DLG2: variants seen among roughly 807,000 people sequenced by gnomAD.
DLG2 encodes the protein discs large MAGUK scaffold protein 2.
A neutral mutation model predicts 132.5 loss-of-function variants in DLG2; 45 were observed. That is an observed-to-expected ratio of 0.34 (90% confidence interval 0.27 to 0.44). DLG2 has a LOEUF of 0.44. DLG2 is among the 20% of genes least tolerant of loss of function. The pLI is 1.00. For missense variants in DLG2, 1,045 were observed against 1,196.9 expected (o/e 0.87, Z 1.87); for synonymous variants, 424 against 419.6 (o/e 1.01, Z -0.13).
At chr11:84,537,493 TTAAAATTTGTGGTAAAATACACA>T (rs1328114597) in intron 6 of DLG2, among the ~76,000 whole-genome samples, 11 of 152,248 alleles carry the variant, frequency 7.2e-5, no homozygotes, top group Non-Finnish European at 1.5e-4. Context: ...TAAGCTTCTT[TTAAAATTTGTGGTAAAATACACA>T]TAAAATTTTG....
intron 18 of DLG2, among the ~76,000 whole-genome samples, chr11:83,769,193 C>G (rs2094276382): frequency 6.6e-6 from 1 of 152,026 alleles, no homozygotes; most frequent in Non-Finnish European, 1.5e-5. Flanking sequence ...AGCAAAACCT[C>G]TCCTTTGGCT....
At chr11:84,890,394 G>A (rs1030035815) in intron 6 of DLG2, among the ~76,000 whole-genome samples, 12 of 152,026 alleles carry the variant, frequency 7.9e-5, no homozygotes, top group Admixed American at 2.6e-4. Flanking sequence ...CTGCATTTTG[G>A]GAACACTGAT....
At chr11:83,916,866 C>T (rs79074554) in intron 15 of DLG2, among the ~76,000 whole-genome samples, 4 of 152,050 alleles carry the variant, frequency 2.6e-5, no homozygotes, top group Non-Finnish European at 5.9e-5. Flanking sequence ...AAAAGCACTA[C>T]CACCTGAAGT....
intron 11 of DLG2, among the ~76,000 whole-genome samples, chr11:84,006,225 GAA>G (rs2094565379): frequency 6.6e-6 from 1 of 151,776 alleles, no homozygotes; most frequent in Non-Finnish European, 1.5e-5. Context: ...AGCAGGTAAA[GAA>G]TGACAATTAT....
At chr11:85,425,711 C>T (rs867070418) in intron 3 of DLG2, among the ~76,000 whole-genome samples, 4 of 152,252 alleles carry the variant, frequency 2.6e-5, no homozygotes, top group Middle Eastern at 3.4e-3. Context: ...CCAGCATGAG[C>T]GACGCAGAAG....
intron 8 of DLG2, among the ~76,000 whole-genome samples, chr11:84,189,241 A>G (rs1202619647): frequency 1.3e-5 from 2 of 152,188 alleles, no homozygotes; most frequent in African/African-American, 4.8e-5. Context: ...AACATCACTG[A>G]TCATTAGAGA....
chr11:84,910,252 T>C (rs932240854), intron 6 of DLG2, among the ~76,000 whole-genome samples: 1 of 152,326 alleles, frequency 6.6e-6, no homozygotes, highest in East Asian at 1.9e-4. Context: ...CCAAATTGTT[T>C]ATAAGAATGA....
At position 83,859,558 on chromosome 11, in the gene DLG2, A is replaced by G. The variant is rs144058272; in HGVS notation, c.1565+14862T>C. On this transcript the variant is annotated intron_variant, in intron 16 of 27. Transcript: ENST00000376104. ...ATTTCTAAGCAGCAAAGCATTCAAG[A>G]GGTGACTTGGGTGCTGTTAAAGGCA... Among the ~76,000 whole-genome samples, 410 of 152,340 alleles carry G rather than the reference A, an allele frequency of 2.7e-3. 4 individuals carry two copies. Among genetic ancestry groups the G allele is most frequent in the African/African-American group, 9.1e-3 (380 of 41,584 alleles).
rs57863742 is a variant in DLG2 at position 84,667,498 on chromosome 11, G to GTTTTTTTT, written c.358-132775_358-132768dup. 7.6e-3 allele frequency among the ~76,000 whole-genome samples: 921 copies of GTTTTTTTT among 121,732 alleles called. 3 individuals carry two copies. Among genetic ancestry groups the GTTTTTTTT allele is most frequent in the Non-Finnish European group, 9.6e-3 (588 of 61,314 alleles). The allele number at this position is 121,732 out of a possible 152,430, so 79.9% of individuals were successfully genotyped here. A position where few individuals can be genotyped will look rare whatever the true frequency, so the allele number is the denominator to read the frequency against. On this transcript the variant is annotated intron_variant, in intron 6 of 27. Coordinates refer to ENST00000376104, the MANE Select transcript of DLG2 (RefSeq NM_001142699.3). Reference sequence around the variant, plus strand: ...TTTTTGTTTTTGTTTTTTGTTTTTTGTTTTTTTTTTTTTTTTGAGTCATAG... The same window carrying GTTTTTTTT: ...TTTTTGTTTTTGTTTTTTGTTTTTTGTTTTTTTTTTTTTTTTTTTTTTTTGAGTCATAG...
At chr11:83,865,943 G>A (rs1293721541) in intron 16 of DLG2, among the ~76,000 whole-genome samples, 2 of 152,098 alleles carry the variant, frequency 1.3e-5, no homozygotes, top group Non-Finnish European at 2.9e-5. Context: ...TCATTGTGCA[G>A]CCATTGATAA....
chr11:85,076,463 G>A (rs911927600), intron 6 of DLG2, among the ~76,000 whole-genome samples: 3 of 152,054 alleles, frequency 2.0e-5, no homozygotes, highest in East Asian at 3.9e-4. Context: ...GCAACAACCC[G>A]GAAATGGTTT....
rs2091597562 is a variant in DLG2 at position 83,734,421 on chromosome 11, CTCCCTCCTTCCT to C, written c.1825+52257_1825+52268del. On this transcript the variant is annotated intron_variant, in intron 18 of 27. Transcript: ENST00000376104. Reference sequence around the variant, plus strand: ...CTTCCTTCCTTCCCTCCCTCCTTCCCTCCCTCCTTCCTTTCTCTCTCTGTCTCTCTCTCTCTT... The same window carrying C: ...CTTCCTTCCTTCCCTCCCTCCTTCCCTTCTCTCTCTGTCTCTCTCTCTCTT... 3.7e-5 allele frequency among the ~76,000 whole-genome samples: 5 copies of C among 134,748 alleles called. No homozygotes were observed. In the South Asian group the frequency reaches 1.0e-3, roughly 27 times the overall value. The allele number at this position is 134,748 out of a possible 152,430, so 88.4% of individuals were successfully genotyped here.
intron 8 of DLG2, among the ~76,000 whole-genome samples, chr11:84,218,694 T>G (rs2096873416): frequency 6.6e-6 from 1 of 152,198 alleles, no homozygotes; most frequent in Non-Finnish European, 1.5e-5. Flanking sequence ...AATACATATA[T>G]TAGACCAGCG....
intron 3 of DLG2, among the ~76,000 whole-genome samples, chr11:85,325,001 A>C (rs543457649): frequency 3.4e-5 from 5 of 145,350 alleles, no homozygotes; most frequent in African/African-American, 1.0e-4. Flanking sequence ...GAGTCAAAGA[A>C]AGGGGTGACG....
rs554813089 is a variant in DLG2 at position 85,416,765 on chromosome 11, A to G, written c.41-131400T>C. 2.0e-5 allele frequency among the ~76,000 whole-genome samples: 3 copies of G among 152,270 alleles called. No individual in the cohort carries two copies. In the South Asian group the frequency reaches 6.2e-4, roughly 32 times the overall value. On this transcript the variant is annotated intron_variant, in intron 3 of 27. Coordinates refer to ENST00000376104, the MANE Select transcript of DLG2 (RefSeq NM_001142699.3). ...GTTTGTCTATTGTTGGTGTGTAGAA[A>G]TGCTTGTGATTTTTGGACATTAATT...
At chr11:84,644,638 G>A (rs761261375) in intron 6 of DLG2, among the ~76,000 whole-genome samples, 7 of 151,052 alleles carry the variant, frequency 4.6e-5, no homozygotes, top group Admixed American at 2.0e-4. Context: ...CTCTGGAGGC[G>A]CAGCTTGCAG....
intron 11 of DLG2, among the ~76,000 whole-genome samples, chr11:84,014,260 A>G (rs902842240): frequency 6.6e-6 from 1 of 152,168 alleles, no homozygotes; most frequent in Non-Finnish European, 1.5e-5. Flanking sequence ...AAGGCTTGTG[A>G]AACACCAAAT....
At chr11:84,564,094 C>T (rs911814365) in intron 6 of DLG2, among the ~76,000 whole-genome samples, 10 of 152,304 alleles carry the variant, frequency 6.6e-5, no homozygotes, top group African/African-American at 2.2e-4. Context: ...TCAGTTAATG[C>T]AACTTCAATA....
intron 6 of DLG2, among the ~76,000 whole-genome samples, chr11:85,103,437 A>G: frequency 6.6e-6 from 1 of 151,980 alleles, no homozygotes; most frequent in Non-Finnish European, 1.5e-5. Context: ...TTGAAAGTCC[A>G]TAAATGGACA....
Sources: allele counts gnomAD v4.1 joint callset (sites outside exome capture counted in the v4.1 genomes callset), GRCh38; gene constraint gnomAD v4.1.1; transcripts MANE v1.5; gene names NCBI Gene and HGNC (gene_info 2026-07-23, HGNC 2026-07-21).